The following RNF7 variants were observed in gnomAD, a reference collection of about 807,000 sequenced individuals.
RNF7 encodes RING-box protein 2.
RNF7 carries 9 observed loss-of-function variants against 17.0 expected under a neutral mutation model. That is an observed-to-expected ratio of 0.53 (90% CI 0.32 to 0.92). The LOEUF (loss-of-function observed/expected upper bound fraction) is 0.92, where lower values mean the gene tolerates loss of function less well. Ranked by LOEUF, RNF7 falls within the 40% of genes least tolerant of loss-of-function variation. The pLI is 0.04. For missense variants in RNF7, 87 were observed against 145.8 expected (o/e 0.60, Z 2.08); for synonymous variants, 59 against 50.5 (o/e 1.17, Z -0.72).
intron 1 of RNF7, among the ~76,000 whole-genome samples, chr3:141,739,077 C>T (rs2084388592): frequency 6.6e-6 from 1 of 152,220 alleles, no homozygotes; most frequent in African/African-American, 2.4e-5. Flanking sequence ...TCCGGATTAG[C>T]TTACCGCCGC....
In RNF7 at chr3:141,738,466, G is replaced by A. The variant is rs770882226; in HGVS notation, c.125G>A (p.Ser42Asn). 1.2e-6 allele frequency: 2 copies of A among 1,613,810 alleles called. No homozygotes were observed. The highest frequency in any genetic ancestry group is 1.7e-6 in the Non-Finnish European group (2 of 1,179,816). The change falls in exon 1 of 3, where the codon AGC becomes AAC. Residue 42 changes from serine (S) to asparagine (N), a missense_variant. Around this residue, in one of 2 missense-constraint regions of RNF7, gnomAD observed 36 missense variants for 104.7 expected, o/e 0.34. Coordinates refer to ENST00000273480, the MANE Select transcript of RNF7 (RefSeq NM_014245.5). ...LKKWNAVAMW[S>N]WDVECDTCAI... ...AAGTGGAACGCGGTGGCCATGTGGA[G>A]CTGGGACGTGGAGTGCGATACGTGC...
intron 1 of RNF7, among the ~76,000 whole-genome samples, chr3:141,739,762 T>C (rs1444781458): frequency 6.6e-6 from 1 of 152,210 alleles, no homozygotes; most frequent in Non-Finnish European, 1.5e-5. Context: ...CTTTCTCTTT[T>C]GAAAGACCTT....
chr3:141,739,782 C>A (rs2084395783), intron 1 of RNF7, among the ~76,000 whole-genome samples: 1 of 152,192 alleles, frequency 6.6e-6, no homozygotes, highest in Admixed American at 6.5e-5. Flanking sequence ...TGATATTAGA[C>A]ATGACCCACT....
intron 1 of RNF7, chr3:141,743,032 A>C: frequency 2.2e-6 from 1 of 456,910 alleles, no homozygotes. Context: ...AAGAGTGAAA[A>C]CTCTCCTTCC....
chr3:141,738,999 A>G (rs1261238800), intron 1 of RNF7, among the ~76,000 whole-genome samples: 1 of 152,240 alleles, frequency 6.6e-6, no homozygotes, highest in Admixed American at 6.5e-5. Flanking sequence ...CTCCAGAGTC[A>G]TCTTCCACAA....
intron 1 of RNF7, chr3:141,742,658 G>A: frequency 8.7e-7 from 1 of 1,146,046 alleles, no homozygotes; most frequent in African/African-American, 1.6e-5. Flanking sequence ...GGGAATTGGA[G>A]TTCGTAATTG....
chr3:141,739,413 A>C (rs1010637110), intron 1 of RNF7, among the ~76,000 whole-genome samples: 3 of 152,208 alleles, frequency 2.0e-5, no homozygotes, highest in Admixed American at 2.0e-4. Context: ...GTTATATTTT[A>C]TATGGTTCTA....
At chr3:141,740,738 T>C (rs1343088919) in intron 1 of RNF7, among the ~76,000 whole-genome samples, 6 of 152,226 alleles carry the variant, frequency 3.9e-5, no homozygotes, top group Non-Finnish European at 8.8e-5. Context: ...TAAAGCAATT[T>C]TTTATCTTTT....
chr3:141,742,188 C>G (rs1042916506), intron 1 of RNF7, among the ~76,000 whole-genome samples: 3 of 151,044 alleles, frequency 2.0e-5, no homozygotes, highest in Non-Finnish European at 4.4e-5. Context: ...TGCTATGTGG[C>G]CATGTGTTCT....
Position 141,745,056 on chromosome 3 carries a change from CT to C in RNF7, c.224-97del, listed in dbSNP as rs1215986480. The C allele has an allele frequency of 8.3e-6, 6 of 719,900 alleles. No homozygotes were observed. In the African/African-American group the frequency reaches 9.1e-5, roughly 11 times the overall value. The allele number at this position is 719,900 out of a possible 1,614,324, so 44.6% of individuals were successfully genotyped here. ...AACATTATTTTGGCCAATTAACTAT[CT>C]TTTTTCAAGATTATTATTTGTAATA... On this transcript the variant is annotated intron_variant, in intron 2 of 2. Coordinates refer to ENST00000273480, the MANE Select transcript of RNF7 (RefSeq NM_014245.5).
intron 1 of RNF7, 58 bp from the exon 2 acceptor site, chr3:141,743,451 G>C: frequency 7.1e-7 from 1 of 1,416,838 alleles, no homozygotes; most frequent in Non-Finnish European, 9.9e-7. Context: ...GAAGTGTCTG[G>C]TTTTTAAAAA....
At chr3:141,740,041 C>G (rs1188357407) in intron 1 of RNF7, among the ~76,000 whole-genome samples, 1 of 151,742 alleles carries the variant, frequency 6.6e-6, no homozygotes, top group African/African-American at 2.4e-5. Context: ...GTCTCAGCAA[C>G]AAACAAACAA....
intron 1 of RNF7, among the ~76,000 whole-genome samples, chr3:141,742,223 C>CTTTTTTTTTTT (rs1196270339): frequency 9.1e-6 from 1 of 109,470 alleles, no homozygotes; most frequent in Non-Finnish European, 1.8e-5. Context: ...CAAGCATTTT[C>CTTTTTTTTTTT]TTTTTTTTTT....
rs539024118 is a variant in RNF7 at position 141,746,506 on chromosome 3, A to G, written c.*1229A>G. The stretch of plus-strand genomic sequence containing the variant: ...TCATTTGCTCTTTCATTTGACAATA[A>G]TAAAATTTAAGGTTTATTACCTGGA... On this transcript the variant is annotated 3_prime_UTR_variant, in exon 3 of 3. Transcript: ENST00000273480. 4.3e-4 allele frequency: 65 copies of G among 152,358 alleles called. No homozygotes were observed. The highest frequency in any genetic ancestry group is 1.4e-3 in the African/African-American group (58 of 41,588). 9.4% of individuals were successfully genotyped at this position (152,358 alleles called of 1,614,324 possible).
chr3:141,745,058 T>G lies in RNF7; in HGVS notation c.224-101T>G. On this transcript the variant is annotated intron_variant, in intron 2 of 2. Transcript: ENST00000273480. ...CATTATTTTGGCCAATTAACTATCT[T>G]TTTTCAAGATTATTATTTGTAATAT... The G allele has an allele frequency of 6.8e-6, 5 of 735,044 alleles. No individual in the cohort carries two copies. In the South Asian group the frequency reaches 7.7e-5, roughly 11 times the overall value. The allele number at this position is 735,044 out of a possible 1,614,324, so 45.5% of individuals were successfully genotyped here.
At chr3:141,742,618 C>T in intron 1 of RNF7, 3 of 1,176,886 alleles carry the variant, frequency 2.5e-6, no homozygotes, top group Non-Finnish European at 3.4e-6. Flanking sequence ...ATATAAATAC[C>T]TCACAGTATT....
At position 141,742,520 on chromosome 3, in the gene RNF7, A is replaced by G. The variant is rs948703883; in HGVS notation, c.176-989A>G. 1.5e-4 allele frequency: 122 copies of G among 821,778 alleles called. 1 individual carries two copies. The highest frequency in any genetic ancestry group is 7.3e-4 in the South Asian group (43 of 59,284). The allele number at this position is 821,778 out of a possible 1,614,324, so 50.9% of individuals were successfully genotyped here. A position where few individuals can be genotyped will look rare whatever the true frequency, so the allele number is the denominator to read the frequency against. On this transcript the variant is annotated intron_variant, in intron 1 of 2. Transcript: ENST00000273480. ...GGATTACAGGCGAGCATTTTCTTAC[A>G]AAGAAAAAACCTTAGTGTTTAGGGA...
At chr3:141,743,595 G>C in intron 2 of RNF7, 39 bp downstream of exon 2, 9 of 1,480,878 alleles carry the variant, frequency 6.1e-6, no homozygotes, top group Non-Finnish European at 8.4e-6. Flanking sequence ...TTCAACTGAA[G>C]GTTTTCTCTC....
At chr3:141,742,906 CAGTA>C (rs1441558365) in intron 1 of RNF7, 5 of 1,080,618 alleles carry the variant, frequency 4.6e-6, no homozygotes, top group Admixed American at 9.8e-5. Flanking sequence ...GCTTCTGTGT[CAGTA>C]AGTATGGATG....
Sources: allele counts gnomAD v4.1 joint callset (sites outside exome capture counted in the v4.1 genomes callset), GRCh38; gene constraint gnomAD v4.1.1; regional missense constraint gnomAD v4.1.1; transcripts MANE v1.5; gene names NCBI Gene and HGNC (gene_info 2026-07-23, HGNC 2026-07-21).